VAV3: variants seen among roughly 807,000 people sequenced by gnomAD.
VAV3 encodes the protein vav guanine nucleotide exchange factor 3.
VAV3 carries 94 observed loss-of-function variants against 131.2 expected under a neutral mutation model. The ratio of observed to expected loss-of-function variants is 0.72; its 90% CI spans 0.61 to 0.85. The LOEUF is 0.85. VAV3 is among the 40% of genes least tolerant of loss of function. The pLI is 0.00. For synonymous variants in VAV3, 349 were observed against 342.0 expected (o/e 1.02, Z -0.22); for missense variants, 939 against 1,002.7 (o/e 0.94, Z 0.86).
chr1:107,907,887 TAGAC>T (rs1464478567), intron 1 of VAV3, among the ~76,000 whole-genome samples: 1 of 152,086 alleles, frequency 6.6e-6, no homozygotes, highest in Non-Finnish European at 1.5e-5. Flanking sequence ...AAAACAAACA[TAGAC>T]AGTAACAGAG....
At chr1:107,762,722 A>G (rs1020011292) in intron 9 of VAV3, among the ~76,000 whole-genome samples, 2 of 152,234 alleles carry the variant, frequency 1.3e-5, no homozygotes, top group African/African-American at 4.8e-5. Flanking sequence ...TTGAAGAAAA[A>G]AAGTCAGTTC....
At chr1:107,831,474 T>C (rs986321894) in intron 2 of VAV3, among the ~76,000 whole-genome samples, 6 of 152,298 alleles carry the variant, frequency 3.9e-5, no homozygotes, top group Non-Finnish European at 8.8e-5. Context: ...TATTGCAATG[T>C]TTATTCCCAA....
intron 1 of VAV3, among the ~76,000 whole-genome samples, chr1:107,887,767 A>G (rs954848148): frequency 4.6e-5 from 7 of 152,052 alleles, no homozygotes; most frequent in African/African-American, 1.7e-4. Flanking sequence ...CCCTGCTCAG[A>G]TATTTGGCCC....
chr1:107,695,793 A>G (rs1159166424), intron 17 of VAV3, among the ~76,000 whole-genome samples: 1 of 152,196 alleles, frequency 6.6e-6, no homozygotes, highest in Non-Finnish European at 1.5e-5. Context: ...GAGGATGATT[A>G]GCAGTGTTAA....
At chr1:107,830,518 C>T (rs1390292243) in intron 2 of VAV3, among the ~76,000 whole-genome samples, 1 of 152,098 alleles carries the variant, frequency 6.6e-6, no homozygotes, top group Non-Finnish European at 1.5e-5. Flanking sequence ...GCACAACTAC[C>T]TCTCACTTCA....
intron 1 of VAV3, chr1:107,963,594 C>T (rs1248566336): frequency 6.6e-6 from 1 of 152,170 alleles, no homozygotes; most frequent in Non-Finnish European, 1.5e-5. Context: ...ACTTTAAATA[C>T]ATACTTATTA....
At chr1:107,885,719 G>C (rs1223926090) in intron 1 of VAV3, among the ~76,000 whole-genome samples, 1 of 152,028 alleles carries the variant, frequency 6.6e-6, no homozygotes, top group Non-Finnish European at 1.5e-5. Context: ...AAGCCACTGG[G>C]GCACAGACAG....
intron 19 of VAV3, among the ~76,000 whole-genome samples, chr1:107,652,858 T>C (rs1054459878): frequency 1.3e-5 from 2 of 152,152 alleles, no homozygotes; most frequent in African/African-American, 4.8e-5. Context: ...GTTTTTGACA[T>C]GTAAAACTGC....
chr1:107,944,899 C>T (rs887988406), intron 1 of VAV3, among the ~76,000 whole-genome samples: 3 of 152,208 alleles, frequency 2.0e-5, no homozygotes, highest in African/African-American at 7.2e-5. Context: ...AGCGACTGTG[C>T]CCAGCCACAA....
At chr1:107,768,843 A>G (rs1274415669) in intron 6 of VAV3, among the ~76,000 whole-genome samples, 2 of 152,234 alleles carry the variant, frequency 1.3e-5, no homozygotes, top group Admixed American at 6.5e-5. Flanking sequence ...AGACTTACAC[A>G]GTAATATCTC....
chr1:107,807,523 G>C (rs146818085), intron 2 of VAV3, among the ~76,000 whole-genome samples: 2 of 152,332 alleles, frequency 1.3e-5, no homozygotes, highest in Non-Finnish European at 2.9e-5. Context: ...AGAAACAAGA[G>C]CAGGGTCGTA....
At chr1:107,760,753 G>T in intron 10 of VAV3, 31 bp downstream of exon 10, 1 of 1,518,850 alleles carries the variant, frequency 6.6e-7, no homozygotes, top group Non-Finnish European at 9.1e-7. Context: ...TGAATAAATG[G>T]ACAATAAATA....
chr1:107,728,600 C>CGTATACGTATACGTATAT (rs375667378), intron 15 of VAV3, among the ~76,000 whole-genome samples: 274 of 136,952 alleles, frequency 2.0e-3, no homozygotes, highest in Middle Eastern at 0.011. Context: ...TATACGTATA[C>CGTATACGTATACGTATAT]GTATATGTAT....
At chr1:107,839,606 C>T (rs936813965) in intron 2 of VAV3, among the ~76,000 whole-genome samples, 10 of 151,888 alleles carry the variant, frequency 6.6e-5, no homozygotes, top group Non-Finnish European at 1.3e-4. Context: ...TCTAAAGCTT[C>T]CACCCTAGGA....
At chr1:107,590,452 T>C (rs1650859248) in intron 25 of VAV3, among the ~76,000 whole-genome samples, 2 of 152,316 alleles carry the variant, frequency 1.3e-5, no homozygotes, top group South Asian at 4.1e-4. Context: ...ATTAAGCCTA[T>C]ATACAAATGC....
Position 107,964,940 on chromosome 1 carries a change from G to C in VAV3, c.-71C>G, listed in dbSNP as rs551570977. On this transcript the variant is annotated 5_prime_UTR_variant, in exon 1 of 27. Coordinates refer to ENST00000370056, the MANE Select transcript of VAV3 (RefSeq NM_006113.5). Reference sequence around the variant, plus strand: ...ATGCGGCCGCCGCCGCCGCCGCCGCGGTTCCTCCGCGCCCCGCCGACGCCA... The same window carrying C: ...ATGCGGCCGCCGCCGCCGCCGCCGCCGTTCCTCCGCGCCCCGCCGACGCCA... 6.3e-6 allele frequency: 7 copies of C among 1,118,320 alleles called. No individual in the cohort carries two copies. In the African/African-American group the frequency reaches 9.8e-5, roughly 16 times the overall value. The allele number at this position is 1,118,320 out of a possible 1,614,324, so 69.3% of individuals were successfully genotyped here.
At chr1:107,699,892 CA>C (rs1659992656) in intron 17 of VAV3, among the ~76,000 whole-genome samples, 1 of 152,076 alleles carries the variant, frequency 6.6e-6, no homozygotes. Flanking sequence ...TGAGAGGAAA[CA>C]TCACATATAA....
intron 25 of VAV3, among the ~76,000 whole-genome samples, chr1:107,595,108 G>A (rs1307838478): frequency 2.0e-5 from 3 of 151,972 alleles, no homozygotes; most frequent in Non-Finnish European, 1.5e-5. Context: ...GTAATCTTGG[G>A]CTAAAAAATA....
At chr1:107,643,222 T>C (rs1477951163) in intron 19 of VAV3, among the ~76,000 whole-genome samples, 1 of 152,180 alleles carries the variant, frequency 6.6e-6, no homozygotes, top group East Asian at 1.9e-4. Flanking sequence ...AGGTTATCTT[T>C]GTAATTCAAA....
Sources: gnomAD v4.1 joint callset for allele counts (sites outside exome capture counted in the v4.1 genomes callset) on GRCh38, gnomAD v4.1.1 for gene constraint, MANE v1.5 for transcripts, NCBI Gene and HGNC (gene_info 2026-07-23, HGNC 2026-07-21) for gene names.